TTBK2: variants seen among roughly 807,000 people sequenced by gnomAD.
TTBK2 encodes the protein tau-tubulin kinase 2.
TTBK2 carries 28 observed loss-of-function variants against 110.8 expected under a neutral mutation model. The ratio of observed to expected loss-of-function variants is 0.25; its 90% CI spans 0.19 to 0.35. The LOEUF is 0.35. Ranked by LOEUF, TTBK2 falls within the 10% of genes least tolerant of loss-of-function variation. The pLI is 1.00. For synonymous variants in TTBK2, 532 were observed against 527.3 expected (o/e 1.01, Z -0.12); for missense variants, 1,369 against 1,500.3 (o/e 0.91, Z 1.45).
In TTBK2 at chr15:42,752,494, G is replaced by A. The variant is rs2061879819; in HGVS notation, c.2752C>T (p.His918Tyr). Residue 918 changes from histidine to tyrosine, a missense_variant, in exon 14 of 15, where the codon CAT becomes TAT. Coordinates refer to ENST00000267890, the MANE Select transcript of TTBK2 (RefSeq NM_173500.4). ...CCATGTTCATTCTCTGAAACACAAT[G>A]AAATAGTTCTCCATTTCTAGGGGTG... ...KITPRNGELF[H>Y]CVSENEHGAP... 1 of 1,614,044 alleles carries A rather than the reference G, an allele frequency of 6.2e-7. No individual in the cohort carries two copies. The highest frequency in any genetic ancestry group is 8.5e-7 in the Non-Finnish European group (1 of 1,180,042).
intron 1 of TTBK2, among the ~76,000 whole-genome samples, chr15:42,909,171 G>A (rs763170606): frequency 6.6e-6 from 1 of 152,132 alleles, no homozygotes; most frequent in Non-Finnish European, 1.5e-5. Context: ...ATGTTCTCCA[G>A]GCTGGAGCGC....
intron 1 of TTBK2, among the ~76,000 whole-genome samples, chr15:42,897,747 T>G (rs1895721023): frequency 6.6e-6 from 1 of 151,948 alleles, no homozygotes; most frequent in East Asian, 1.9e-4. Context: ...GATAAAAATT[T>G]GCAAGTTGGA....
chr15:42,857,104 A>T lies in TTBK2; in HGVS notation c.217+15507T>A, dbSNP rs113324824. The stretch of plus-strand genomic sequence containing the variant: ...CTATCAATATTGGTTCATCAGTTGT[A>T]ACAACTGTATCACAAGAATGCAAGA... On this transcript the variant is annotated intron_variant, in intron 3 of 14. Coordinates refer to ENST00000267890, the MANE Select transcript of TTBK2 (RefSeq NM_173500.4). 4.6e-5 allele frequency among the ~76,000 whole-genome samples: 7 copies of T among 152,298 alleles called. 2 individuals are homozygous for T. Among genetic ancestry groups the T allele is most frequent in the African/African-American group, 1.7e-4 (7 of 41,554 alleles).
chr15:42,773,933 AG>A, intron 13 of TTBK2, among the ~76,000 whole-genome samples: 1 of 152,208 alleles, frequency 6.6e-6, no homozygotes, highest in Non-Finnish European at 1.5e-5. Flanking sequence ...TGGAAAGCAA[AG>A]TCTGGGGTAG....
chr15:42,893,024 AAAAG>A (rs1035018581), intron 1 of TTBK2, among the ~76,000 whole-genome samples: 7 of 151,614 alleles, frequency 4.6e-5, no homozygotes, highest in South Asian at 4.1e-4. Context: ...AAAAAAAAAA[AAAAG>A]AAAGAAAGAA....
intron 9 of TTBK2, chr15:42,802,499 C>T: frequency 1.9e-6 from 1 of 526,668 alleles, no homozygotes; most frequent in Non-Finnish European, 3.4e-6. Flanking sequence ...CTCTGCTCTT[C>T]TTGGGGATTT....
At chr15:42,811,666 A>T (rs752816956) in intron 8 of TTBK2, 22 bp downstream of exon 8, 5 of 1,595,344 alleles carry the variant, frequency 3.1e-6, no homozygotes, top group Non-Finnish European at 4.3e-6. Context: ...ACCACAATTG[A>T]CATCTCCATT....
chr15:42,740,759 G>C lies in TTBK2; in HGVS notation c.*5036C>G, dbSNP rs1595868447. On this transcript the variant is annotated 3_prime_UTR_variant, in exon 15 of 15. Coordinates refer to ENST00000267890, the MANE Select transcript of TTBK2 (RefSeq NM_173500.4). ...TTCAGTAGAGACGGGGTTTCACCCT[G>C]TTAGCCAGGATGGTCTCGATCTCCT... 1 of 152,208 alleles carries C rather than the reference G, an allele frequency of 6.6e-6. No homozygotes were observed. The allele number at this position is 152,208 out of a possible 1,614,324, so 9.4% of individuals were successfully genotyped here. A position where few individuals can be genotyped will look rare whatever the true frequency, so the allele number is the denominator to read the frequency against.
At chr15:42,855,367 A>G (rs1280749016) in intron 3 of TTBK2, among the ~76,000 whole-genome samples, 3 of 152,176 alleles carry the variant, frequency 2.0e-5, no homozygotes, top group African/African-American at 7.2e-5. Context: ...TCCCAATACA[A>G]GGAAACAGAG....
intron 13 of TTBK2, among the ~76,000 whole-genome samples, chr15:42,760,778 C>T (rs940343473): frequency 2.6e-5 from 4 of 152,136 alleles, no homozygotes; most frequent in Admixed American, 1.3e-4. Flanking sequence ...ATCTGAAGTG[C>T]TACAGATTCA....
chr15:42,773,698 A>T (rs1889775322), intron 13 of TTBK2, among the ~76,000 whole-genome samples: 1 of 152,104 alleles, frequency 6.6e-6, no homozygotes, highest in South Asian at 2.1e-4. Flanking sequence ...GAAATATGCT[A>T]GAGCAAAAGT....
At chr15:42,858,569 A>C (rs1365810930) in intron 3 of TTBK2, among the ~76,000 whole-genome samples, 1 of 152,190 alleles carries the variant, frequency 6.6e-6, no homozygotes, top group Non-Finnish European at 1.5e-5. Context: ...CCAGTTCCAC[A>C]AGTGAGGAAC....
chr15:42,764,114 T>C (rs767758064), intron 13 of TTBK2, among the ~76,000 whole-genome samples: 1 of 152,188 alleles, frequency 6.6e-6, no homozygotes, highest in Non-Finnish European at 1.5e-5. Context: ...CATGCAGTAT[T>C]GAAAGACACC....
intron 13 of TTBK2, among the ~76,000 whole-genome samples, chr15:42,772,630 A>G (rs1269909372): frequency 6.6e-6 from 1 of 152,128 alleles, no homozygotes; most frequent in African/African-American, 2.4e-5. Flanking sequence ...CCACATTTAC[A>G]CTGTTTCTAA....
chr15:42,888,704 T>A (rs1895336431), intron 1 of TTBK2, among the ~76,000 whole-genome samples: 1 of 152,058 alleles, frequency 6.6e-6, no homozygotes, highest in Non-Finnish European at 1.5e-5. Flanking sequence ...TACACAAGGG[T>A]CCTCCATCAT....
At chr15:42,757,065 T>G (rs1359683320) in intron 13 of TTBK2, among the ~76,000 whole-genome samples, 1 of 152,120 alleles carries the variant, frequency 6.6e-6, no homozygotes, top group African/African-American at 2.4e-5. Flanking sequence ...CCCCATTTCA[T>G]AGCTTCTTTA....
Position 42,753,013 on chromosome 15 carries a change from T to C in TTBK2, c.2233A>G (p.Ile745Val). The C allele has an allele frequency of 1.2e-6, 2 of 1,614,206 alleles. No homozygotes were observed. The highest frequency in any genetic ancestry group is 1.7e-6 in the Non-Finnish European group (2 of 1,180,038). The change falls in exon 14 of 15, where the codon ATT becomes GTT. Residue 745 changes from isoleucine (I) to valine (V), a missense_variant. Physicochemically the swap from Ile to Val is conservative, Grantham distance 29. This residue lies in a region of TTBK2 where 1,097 missense variants were observed against 1,114.7 expected (regional missense o/e 0.98). Coordinates refer to ENST00000267890, the MANE Select transcript of TTBK2 (RefSeq NM_173500.4). ...DHIGHDMLPN[I>V]RESNKSQDLG... is the part of the protein sequence containing the mutation. ...TCTTGAGATTTGTTACTTTCTCTAA[T>C]GTTGGGTAACATGTCATGACCAATG... is the stretch of plus-strand genomic sequence containing the variant.
chr15:42,746,645 G>A (rs2061798249), intron 14 of TTBK2, among the ~76,000 whole-genome samples: 1 of 152,148 alleles, frequency 6.6e-6, no homozygotes, highest in South Asian at 2.1e-4. Context: ...AAGACAGAGA[G>A]TAAACCATAC....
rs760624969 is a variant in TTBK2 at position 42,830,050 on chromosome 15, C to G, written c.320G>C (p.Ser107Thr). The part of the protein sequence containing the change: ...QGRNLADLRR[S>T]QSRGTFTIST... ...AATGGTGAATGTGCCTCGGGACTGG[C>G]TACGGCGAAGATCTGCCAGATTCCG... The change falls in exon 5 of 15, where the codon AGC becomes ACC. Residue 107 changes from serine (S) to threonine (T), a missense_variant. Around this residue, in one of 4 missense-constraint regions of TTBK2, gnomAD observed 122 missense variants for 159.7 expected, o/e 0.76. Transcript: ENST00000267890. The G allele has an allele frequency of 1.5e-5, 24 of 1,614,134 alleles. No homozygotes were observed. The highest frequency in any genetic ancestry group is 2.0e-5 in the Non-Finnish European group (24 of 1,180,026).
Sources: allele counts gnomAD v4.1 joint callset (sites outside exome capture counted in the v4.1 genomes callset), GRCh38; gene constraint gnomAD v4.1.1; regional missense constraint gnomAD v4.1.1; transcripts MANE v1.5; gene names NCBI Gene and HGNC (gene_info 2026-07-23, HGNC 2026-07-21).